Variants in ZNF717 observed in about 807,000 individuals in gnomAD.
The protein encoded by ZNF717 is zinc finger protein 717.
In ZNF717, 9 loss-of-function variants were observed where a neutral mutation model predicts 13.8. The observed-to-expected ratio is 0.65, with a 90% CI of 0.39 to 1.14. The LOEUF (loss-of-function observed/expected upper bound fraction) is 1.14, where lower values mean the gene tolerates loss of function less well. ZNF717 is among the 50% of genes most tolerant of loss of function. The pLI is 0.01. For synonymous variants in ZNF717, 327 were observed against 364.1 expected, an observed-to-expected ratio of 0.90 and a Z score of 1.16; for missense variants, 1,040 against 1,080.7, an observed-to-expected ratio of 0.96 and a Z score of 0.53.
chr3:75,707,561 G>C (rs1236638881), downstream of ZNF717, among the ~76,000 whole-genome samples: 3 of 152,344 alleles, frequency 2.0e-5, no homozygotes, highest in Admixed American at 6.5e-5. Flanking sequence ...TTCCATTTGA[G>C]GTACCGGGTT....
At chr3:75,753,628 C>A (rs367981795) in intron 2 of ZNF717, among the ~76,000 whole-genome samples, 2 of 148,412 alleles carry the variant, frequency 1.3e-5, no homozygotes, top group Admixed American at 1.3e-4. Context: ...AACACTGCTA[C>A]GAGGGTCTGA....
intron 6 of ZNF717, among the ~76,000 whole-genome samples, chr3:75,702,951 A>C (rs1361879979): frequency 6.6e-6 from 1 of 152,368 alleles, no homozygotes; most frequent in Non-Finnish European, 1.5e-5. Context: ...AGGATTTTTA[A>C]TCCTAAGCCA....
At chr3:75,743,166 G>C in intron 2 of ZNF717, among the ~76,000 whole-genome samples, 1 of 152,168 alleles carries the variant, frequency 6.6e-6, no homozygotes, top group South Asian at 2.1e-4. Context: ...GCATTTCTCA[G>C]AAAGTAATCC....
At chr3:75,767,068 G>T (rs1943527689) in intron 2 of ZNF717, among the ~76,000 whole-genome samples, 2 of 152,250 alleles carry the variant, frequency 1.3e-5, no homozygotes, top group Admixed American at 1.3e-4. Flanking sequence ...GGTGACAAAG[G>T]TGGTATTTGG....
chr3:75,741,983 G>A (rs1940526544), intron 2 of ZNF717: 2 of 499,052 alleles, frequency 4.0e-6, no homozygotes, highest in Admixed American at 7.7e-5. Context: ...TTTTACATAA[G>A]ATGTAGTTTG....
In ZNF717 at chr3:75,771,938, C is replaced by T. The variant is rs1293614471; in HGVS notation, c.57+11368G>A. The stretch of plus-strand genomic sequence containing the variant: ...TCCAAGTTGAGGCCAAACCCAGGCA[C>T]AGTCGCAACCCGGCCCGGTGTGTGC... On this transcript the variant is annotated intron_variant, in intron 2 of 4. Transcript: ENST00000652011. Among the ~76,000 whole-genome samples the T allele has an allele frequency of 2.0e-5, 3 of 152,390 alleles. No individual in the cohort carries two copies. The East Asian group carries it at 5.8e-4, about 29-fold the overall frequency.
At chr3:75,762,921 A>T (rs747812583) in intron 2 of ZNF717, among the ~76,000 whole-genome samples, 86 of 152,370 alleles carry the variant, frequency 5.6e-4, no homozygotes, top group African/African-American at 2.0e-3. Flanking sequence ...TTCCACAAGG[A>T]TGCCAAGACC....
intron 2 of ZNF717, among the ~76,000 whole-genome samples, chr3:75,747,768 G>T (rs542414336): frequency 2.0e-5 from 3 of 152,220 alleles, no homozygotes; most frequent in Admixed American, 1.3e-4. Context: ...GGGCTGAGAT[G>T]ATGGGGTTTT....
intron 2 of ZNF717, among the ~76,000 whole-genome samples, chr3:75,769,866 G>A (rs185656456): frequency 6.6e-6 from 1 of 152,238 alleles, no homozygotes; most frequent in East Asian, 1.9e-4. Context: ...CTGAAAACAT[G>A]ACAGAAATGT....
At chr3:75,784,658 G>A (rs1212683717) in intron 1 of ZNF717, 3 of 152,220 alleles carry the variant, frequency 2.0e-5, no homozygotes, top group Non-Finnish European at 4.4e-5. Flanking sequence ...GTTCTTCTCA[G>A]CCGAATTCAC....
intron 4 of ZNF717, among the ~76,000 whole-genome samples, chr3:75,719,846 T>C (rs1171779577): frequency 3.6e-4 from 55 of 152,134 alleles, no homozygotes; most frequent in African/African-American, 1.2e-3. Context: ...TAATCCCAGC[T>C]ACTCGGGAGG....
intron 2 of ZNF717, among the ~76,000 whole-genome samples, chr3:75,782,016 G>C (rs945090214): frequency 6.6e-6 from 1 of 152,116 alleles, no homozygotes; most frequent in Non-Finnish European, 1.5e-5. Context: ...ATCCGGGGCC[G>C]AGAGAATTTC....
At chr3:75,730,624 G>A in intron 5 of ZNF717, 1 of 702,248 alleles carries the variant, frequency 1.4e-6, no homozygotes, top group Non-Finnish European at 2.6e-6. Context: ...CAAACCTGGA[G>A]ATAAAAGATT....
chr3:75,712,011 A>T (rs1937948664), intron 5 of ZNF717, among the ~76,000 whole-genome samples: 1 of 152,264 alleles, frequency 6.6e-6, no homozygotes, highest in African/African-American at 2.4e-5. Flanking sequence ...ATTTCAAGTT[A>T]TGTTGGAGTA....
At chr3:75,777,403 G>A (rs1237673621) in intron 2 of ZNF717, among the ~76,000 whole-genome samples, 1 of 151,350 alleles carries the variant, frequency 6.6e-6, no homozygotes, top group Non-Finnish European at 1.5e-5. Context: ...GGAGTGATGT[G>A]CTAAAACCGG....
chr3:75,780,079 A>C (rs1194849409), intron 2 of ZNF717, among the ~76,000 whole-genome samples: 1 of 151,602 alleles, frequency 6.6e-6, no homozygotes, highest in Non-Finnish European at 1.5e-5. Flanking sequence ...CCAGAAACCC[A>C]AAACAATGGG....
At chr3:75,780,131 G>A (rs369533627) in intron 2 of ZNF717, among the ~76,000 whole-genome samples, 16 of 149,300 alleles carry the variant, frequency 1.1e-4, no homozygotes, top group African/African-American at 3.2e-4. Context: ...TGGGAGTGAC[G>A]TGCTAAAACT....
downstream of ZNF717, among the ~76,000 whole-genome samples, chr3:75,729,742 G>C (rs1356445490): frequency 2.3e-4 from 35 of 152,098 alleles, no homozygotes; most frequent in African/African-American, 8.5e-4. Context: ...TGATGGAGGG[G>C]GCTACAAGAC....
chr3:75,706,570 G>A (rs1291903129), downstream of ZNF717, among the ~76,000 whole-genome samples: 943 of 147,790 alleles, frequency 6.4e-3, no homozygotes, highest in African/African-American at 0.023. Flanking sequence ...GTGCCTCTGA[G>A]CCACTGTGCC....
Sources: gnomAD v4.1 joint callset for allele counts (sites outside exome capture counted in the v4.1 genomes callset) on GRCh38, gnomAD v4.1.1 for gene constraint, MANE v1.5 for transcripts, NCBI Gene and HGNC (gene_info 2026-07-23, HGNC 2026-07-21) for gene names.